Variants in FXYD4 observed in about 807,000 individuals in gnomAD.
FXYD4 encodes FXYD domain-containing ion transport regulator 4.
In FXYD4, 14 loss-of-function variants were observed where a neutral mutation model predicts 18.3. That is an observed-to-expected ratio of 0.77 (90% confidence interval 0.51 to 1.20). FXYD4 has a LOEUF of 1.20. Ranked by LOEUF, FXYD4 falls within the 50% of genes most tolerant of loss-of-function variation. FXYD4 has a pLI of 0.00. For missense variants in FXYD4, 99 were observed against 106.1 expected, an observed-to-expected ratio of 0.93 and a Z score of 0.29; for synonymous variants, 40 against 40.5, an observed-to-expected ratio of 0.99 and a Z score of 0.04.
intron 5 of FXYD4, among the ~76,000 whole-genome samples, chr10:43,374,939 C>T (rs1208573610): frequency 6.6e-6 from 1 of 151,890 alleles, no homozygotes; most frequent in African/African-American, 2.4e-5. Context: ...CAGTCCTCCT[C>T]TCCTCCTCTC....
intron 6 of FXYD4, 52 bp downstream of exon 6, chr10:43,375,625 G>T (rs1339459293): frequency 6.2e-7 from 1 of 1,607,986 alleles, no homozygotes; most frequent in Non-Finnish European, 8.5e-7. Flanking sequence ...TGGCGGACAG[G>T]GTGGGGCAGA....
At position 43,375,629 on chromosome 10, in the gene FXYD4, G is replaced by A. The variant is rs141485162; in HGVS notation, c.172+56G>A. On this transcript the variant is annotated intron_variant, in intron 6 of 8. Coordinates refer to ENST00000476166, the MANE Select transcript of FXYD4 (RefSeq NM_173160.3). ...CAGGGTGGGGCTGGCGGACAGGGTGGGGCAGAAAGAGAGAGTGCTCTCATT... is the reference window on the plus strand; with the variant it reads ...CAGGGTGGGGCTGGCGGACAGGGTGAGGCAGAAAGAGAGAGTGCTCTCATT... 1,418 of 1,607,490 alleles carry A rather than the reference G, an allele frequency of 8.8e-4. 1 individual carries two copies. The highest frequency in any genetic ancestry group is 1.8e-3 in the Middle Eastern group (11 of 6,052).
Position 43,376,226 on chromosome 10 carries a change from C to T in FXYD4, c.*60C>T. 1.9e-6 allele frequency: 3 copies of T among 1,578,908 alleles called. No individual in the cohort carries two copies. Among genetic ancestry groups the T allele is most frequent in the Non-Finnish European group, 1.7e-6 (2 of 1,150,158 alleles). ...TAACACTGGCCCCCAGCACCTCCTC[C>T]CCTGGGAGGCCTTATCCTCAAGGAA... On this transcript the variant is annotated 3_prime_UTR_variant, in exon 9 of 9. Transcript: ENST00000476166.
Position 43,373,587 on chromosome 10 carries a change from C to T in FXYD4, c.-160C>T. 1 of 669,444 alleles carries T rather than the reference C, an allele frequency of 1.5e-6. No homozygotes were observed. The highest frequency in any genetic ancestry group is 2.7e-6 in the Non-Finnish European group (1 of 367,626). 41.5% of individuals were successfully genotyped at this position (669,444 alleles called of 1,614,324 possible). A position where few individuals can be genotyped will look rare whatever the true frequency, so the allele number is the denominator to read the frequency against. On this transcript the variant is annotated 5_prime_UTR_variant, in exon 3 of 9. Coordinates refer to ENST00000476166, the MANE Select transcript of FXYD4 (RefSeq NM_173160.3). ...AGATCTCCCCACAAGCAAGTGTATC[C>T]TTGGGGTTTGTACACCTACTTTCAC...
At chr10:43,373,827 C>A (rs763071356) in intron 3 of FXYD4, 44 bp downstream of exon 3, 14 of 1,355,930 alleles carry the variant, frequency 1.0e-5, no homozygotes, top group African/African-American at 1.4e-5. Context: ...ATTCACCCCA[C>A]CCACAAAGGC....
At chr10:43,372,044 CAA>C (rs60010547) in intron 1 of FXYD4, among the ~76,000 whole-genome samples, 207 of 138,436 alleles carry the variant, frequency 1.5e-3, no homozygotes, top group Admixed American at 1.5e-3. Context: ...GACCCTGTCT[CAA>C]AAAAAAAAAA....
intron 3 of FXYD4, 143 bp downstream of exon 3, chr10:43,373,926 G>C (rs2131947946): frequency 1.3e-6 from 1 of 745,506 alleles, no homozygotes; most frequent in South Asian, 1.4e-5. Context: ...AAACATGAAG[G>C]AAATGACAGT....
chr10:43,375,914 G>A (rs1588981771), intron 7 of FXYD4, 118 bp from the exon 8 acceptor site: 1 of 1,261,536 alleles, frequency 7.9e-7, no homozygotes. Context: ...TGTGGGAAGT[G>A]ACCATGGAAG....
chr10:43,375,867 T>C (rs1837865212), intron 7 of FXYD4, 133 bp downstream of exon 7: 1 of 1,223,144 alleles, frequency 8.2e-7, no homozygotes, highest in Non-Finnish European at 1.2e-6. Flanking sequence ...TAGTCAACCC[T>C]GAAGGGCCCC....
intron 2 of FXYD4, 120 bp from the exon 3 acceptor site, chr10:43,373,395 G>C (rs1485355650): frequency 3.3e-6 from 1 of 301,334 alleles, no homozygotes; most frequent in East Asian, 5.7e-5. Context: ...TCCTCATGGG[G>C]AGGAGTAGGG....
At position 43,375,588 on chromosome 10, in the gene FXYD4, AGGTGGGGCTGGAGGACAG is replaced by A. The variant is rs774079023; in HGVS notation, c.172+27_172+44del. On this transcript the variant is annotated intron_variant, in intron 6 of 8. Transcript: ENST00000476166. ...GGCAGTTCTGAGTGAGTGGCAGGAC[AGGTGGGGCTGGAGGACAG>A]GGTGGGGCTGGCGGACAGGGTGGGG... The A allele has an allele frequency of 1.8e-4, 284 of 1,611,250 alleles. No individual in the cohort carries two copies. The highest frequency in any genetic ancestry group is 6.3e-4 in the Admixed American group (38 of 59,972).
rs182250902 is a variant in FXYD4, at chr10:43,375,888, G to A, written c.213-144G>A. On this transcript the variant is annotated intron_variant, in intron 7 of 8. Transcript: ENST00000476166. ...ACCCTGAAGGGCCCCAGTCAGGAAA[G>A]CTCTGACCTCGGTATTGTGGGAAGT... The A allele has an allele frequency of 2.0e-3, 2,388 of 1,211,428 alleles. 7 individuals are homozygous for A. The highest frequency in any genetic ancestry group is 2.4e-3 in the Non-Finnish European group (1,919 of 814,408). 75.0% of individuals were successfully genotyped at this position (1,211,428 alleles called of 1,614,324 possible). A position where few individuals can be genotyped will look rare whatever the true frequency, so the allele number is the denominator to read the frequency against.
At position 43,373,627 on chromosome 10, in the gene FXYD4, T is replaced by A. The variant is rs1837834002; in HGVS notation, c.-120T>A. On this transcript the variant is annotated 5_prime_UTR_variant, in exon 3 of 9. Coordinates refer to ENST00000476166, the MANE Select transcript of FXYD4 (RefSeq NM_173160.3). Reference sequence around the variant, plus strand: ...CCTACTTTCACCATGGGGCTCTGCCTGCCCCCGCCCCTGCCTCCTCTCGCT... The same window carrying A: ...CCTACTTTCACCATGGGGCTCTGCCAGCCCCCGCCCCTGCCTCCTCTCGCT... The A allele has an allele frequency of 2.7e-6, 2 of 747,162 alleles. No homozygotes were observed. Among genetic ancestry groups the A allele is most frequent in the Non-Finnish European group, 5.0e-6 (2 of 403,698 alleles). The allele number at this position is 747,162 out of a possible 1,614,324, so 46.3% of individuals were successfully genotyped here.
Position 43,374,338 on chromosome 10 carries a change from G to C in FXYD4, c.38-132G>C, listed in dbSNP as rs538439213. ...CACACCCTGAGGCTGTGTGGGGCTG[G>C]GGAGGGCGTGAGGAAGGGAACTGGT... On this transcript the variant is annotated intron_variant, in intron 3 of 8. Transcript: ENST00000476166. The C allele has an allele frequency of 3.6e-6, 3 of 836,376 alleles. No homozygotes were observed. In the African/African-American group the frequency reaches 5.0e-5, roughly 14 times the overall value. The allele number at this position is 836,376 out of a possible 1,614,324, so 51.8% of individuals were successfully genotyped here.
rs140339086 is a variant in FXYD4, at chr10:43,375,534, G to A, written c.133G>A (p.Gly45Arg). The A allele has an allele frequency of 5.2e-5, 84 of 1,613,928 alleles. No homozygotes were observed. The highest frequency in any genetic ancestry group is 8.8e-5 in the South Asian group (8 of 91,078). ...KNLQLSGLIC[G>R]GLLAIAGIAA... ...CCTGCAGCTGAGCGGACTGATCTGCGGAGGGCTCCTGGCCATTGCTGGGAT... is the reference window on the plus strand; with the variant it reads ...CCTGCAGCTGAGCGGACTGATCTGCAGAGGGCTCCTGGCCATTGCTGGGAT... The change falls in exon 6 of 9, where the codon GGA (glycine) becomes AGA (arginine). Residue 45 changes from glycine to arginine, a missense_variant. Gly to Arg is a moderately radical substitution (Grantham distance 125). Coordinates refer to ENST00000476166, the MANE Select transcript of FXYD4 (RefSeq NM_173160.3).
At chr10:43,371,797 G>A (rs886463942) in intron 1 of FXYD4, 100 bp downstream of exon 1, 4 of 152,154 alleles carry the variant, frequency 2.6e-5, no homozygotes, top group Admixed American at 2.6e-4. Flanking sequence ...GACAGATATG[G>A]CTGCAGCAGC....
chr10:43,373,479 TA>T, intron 2 of FXYD4, 35 bp from the exon 3 acceptor site: 1 of 548,252 alleles, frequency 1.8e-6, no homozygotes. Context: ...TTTGAGCTCT[TA>T]GCTTGTGCTT....
chr10:43,375,862 A>T (rs934123075), intron 7 of FXYD4, 128 bp downstream of exon 7: 3 of 1,224,884 alleles, frequency 2.4e-6, no homozygotes, highest in Non-Finnish European at 3.6e-6. Flanking sequence ...TCAGATAGTC[A>T]ACCCTGAAGG....
rs1283072663 is a variant in FXYD4, at chr10:43,373,602, C to G, written c.-145C>G. 1.6e-5 allele frequency: 11 copies of G among 707,204 alleles called. No individual in the cohort carries two copies. The South Asian group carries it at 1.6e-4, about 11-fold the overall frequency. 43.8% of individuals were successfully genotyped at this position (707,204 alleles called of 1,614,324 possible). On this transcript the variant is annotated 5_prime_UTR_variant, in exon 3 of 9. Coordinates refer to ENST00000476166, the MANE Select transcript of FXYD4 (RefSeq NM_173160.3). ...CAAGTGTATCCTTGGGGTTTGTACA[C>G]CTACTTTCACCATGGGGCTCTGCCT...
Sources: gnomAD v4.1 joint callset for allele counts (sites outside exome capture counted in the v4.1 genomes callset) on GRCh38, gnomAD v4.1.1 for gene constraint, MANE v1.5 for transcripts, NCBI Gene and HGNC (gene_info 2026-07-23, HGNC 2026-07-21) for gene names.